L3MBTL1: variants seen among roughly 807,000 people sequenced by gnomAD.
L3MBTL1 encodes lethal(3)malignant brain tumor-like protein 1.
L3MBTL1 carries 75 observed loss-of-function variants against 105.3 expected under a neutral mutation model. The ratio of observed to expected loss-of-function variants is 0.71; its 90% CI spans 0.59 to 0.86. L3MBTL1 has a LOEUF of 0.86. Ranked by LOEUF, L3MBTL1 falls within the 40% of genes least tolerant of loss-of-function variation. L3MBTL1 has a pLI of 0.00. For synonymous variants in L3MBTL1, 452 were observed against 436.2 expected (o/e 1.04, Z -0.45); for missense variants, 1,069 against 1,126.4 (o/e 0.95, Z 0.73).
At chr20:43,528,588 A>G in intron 7 of L3MBTL1, 69 bp from the exon 8 acceptor site, 1 of 1,160,348 alleles carries the variant, frequency 8.6e-7, no homozygotes, top group Non-Finnish European at 1.3e-6. Context: ...GAGCTTGGTC[A>G]GGGGAAGCCG....
chr20:43,536,158 C>T lies in L3MBTL1; in HGVS notation c.1987C>T (p.His663Tyr). 6.2e-7 allele frequency: 1 copy of T among 1,613,816 alleles called. No individual in the cohort carries two copies. The highest frequency in any genetic ancestry group is 8.5e-7 in the Non-Finnish European group (1 of 1,180,034). The part of the protein sequence containing the change: ...GHVTGKFTAH[H>Y]CLSGCPLAER... Reference sequence around the variant, plus strand: ...TGTCACAGGCAAGTTCACAGCTCACCATTGCCTCTCAGGCTGCCCACTGGC... The same window carrying T: ...TGTCACAGGCAAGTTCACAGCTCACTATTGCCTCTCAGGCTGCCCACTGGC... The change falls in exon 18 of 22, where the codon CAT becomes TAT. Residue 663 changes from histidine to tyrosine, a missense_variant. Physicochemically the swap from His to Tyr is moderately conservative, Grantham distance 83. Transcript: ENST00000418998.
At position 43,529,226 on chromosome 20, in the gene L3MBTL1, G is replaced by C. The variant is rs754046130; in HGVS notation, c.952-38G>C. On this transcript the variant is annotated intron_variant, in intron 8 of 21. Coordinates refer to ENST00000418998, the MANE Select transcript of L3MBTL1 (RefSeq NM_001377303.1). ...AGCCCACTAGGCAAGGATAAGGCTGGATGGAAGCTGGGTCCTCTCCACTCT... is the reference window on the plus strand; with the variant it reads ...AGCCCACTAGGCAAGGATAAGGCTGCATGGAAGCTGGGTCCTCTCCACTCT... The C allele has an allele frequency of 2.0e-6, 3 of 1,512,770 alleles. No homozygotes were observed. In the Admixed American group the frequency reaches 5.4e-5, roughly 27 times the overall value. The allele number at this position is 1,512,770 out of a possible 1,614,324, so 93.7% of individuals were successfully genotyped here.
rs1027444055 is a variant in L3MBTL1 at position 43,540,151 on chromosome 20, C to A, written c.2174C>A (p.Thr725Asn). ...GCCAGCCTCTGCCTCTGCTTTCCAGCCCTCACGCCCGATGTCGTGCACCAG... is the reference window on the plus strand; with the variant it reads ...GCCAGCCTCTGCCTCTGCTTTCCAGACCTCACGCCCGATGTCGTGCACCAG... ...YRKIPQEDFQ[T>N]LTPDVVHQSL... The change falls in exon 20 of 22, where the codon ACC (threonine) becomes AAC (asparagine). Residue 725 changes from threonine to asparagine, a missense_variant and splice_region_variant. Coordinates refer to ENST00000418998, the MANE Select transcript of L3MBTL1 (RefSeq NM_001377303.1). 6.2e-7 allele frequency: 1 copy of A among 1,611,350 alleles called. No homozygotes were observed. The highest frequency in any genetic ancestry group is 1.7e-5 in the Admixed American group (1 of 60,024).
intron 20 of L3MBTL1, 92 bp from the exon 21 acceptor site, chr20:43,540,661 C>A: frequency 8.1e-7 from 1 of 1,232,184 alleles, no homozygotes; most frequent in Non-Finnish European, 1.2e-6. Context: ...GCAGCATTGG[C>A]ACAGCTCAGA....
chr20:43,544,164 G>A (rs1032287192), downstream of L3MBTL1, among the ~76,000 whole-genome samples: 5 of 152,204 alleles, frequency 3.3e-5, no homozygotes, highest in African/African-American at 1.2e-4. Context: ...CTTCCCAAAT[G>A]TCTGATTTTC....
In L3MBTL1 at chr20:43,533,374, T is replaced by C; in HGVS notation, c.1469T>C (p.Val490Ala). 1 of 1,613,948 alleles carries C rather than the reference T, an allele frequency of 6.2e-7. No homozygotes were observed. The change falls in exon 13 of 22, where the codon GTG (valine) becomes GCG (alanine). Residue 490 changes from valine (V) to alanine (A), a missense_variant. Transcript: ENST00000418998. The part of the protein sequence containing the change: ...CDPSSPYIHP[V>A]GWCQKQGKPL... ...CCCAGCAGCCCCTACATCCACCCAGTGGGCTGGTGCCAGAAGCAAGGAAAG... is the reference window on the plus strand; with the variant it reads ...CCCAGCAGCCCCTACATCCACCCAGCGGGCTGGTGCCAGAAGCAAGGAAAG...
At chr20:43,513,020 T>G (rs1383627228) in intron 1 of L3MBTL1, among the ~76,000 whole-genome samples, 1 of 151,982 alleles carries the variant, frequency 6.6e-6, no homozygotes, top group Non-Finnish European at 1.5e-5. Flanking sequence ...CCTGTATGGG[T>G]GAAGGAAAAC....
exon 19 of L3MBTL1, chr20:43,549,916 G>C (rs2269622): frequency 0.53 from 81,045 of 152,048 alleles, 22,357 homozygotes; most frequent in African/African-American, 0.69. Flanking sequence ...GCCTCTCTCT[G>C]CCATGGGCTG....
Position 43,522,668 on chromosome 20 carries a change from C to T in L3MBTL1, c.863-5989C>T, listed in dbSNP as rs558379030. On this transcript the variant is annotated intron_variant, in intron 7 of 21. Transcript: ENST00000418998. The stretch of plus-strand genomic sequence containing the variant: ...TTGTATTTTTGTAGAGACAGGGTTC[C>T]GCCATGTTGCCCAGGCTAGTCTCAA... 3.3e-4 allele frequency among the ~76,000 whole-genome samples: 50 copies of T among 150,920 alleles called. No individual in the cohort carries two copies. The Middle Eastern group carries it at 0.014, about 41-fold the overall frequency.
At chr20:43,511,413 GAGAA>G (rs959591474) in intron 1 of L3MBTL1, among the ~76,000 whole-genome samples, 2 of 152,290 alleles carry the variant, frequency 1.3e-5, no homozygotes, top group African/African-American at 4.8e-5. Flanking sequence ...AATGAAGGAT[GAGAA>G]AGAAAGAAAT....
At chr20:43,536,331 G>A (rs780012257) in intron 18 of L3MBTL1, 37 bp downstream of exon 18, 6 of 1,612,064 alleles carry the variant, frequency 3.7e-6, no homozygotes, top group Non-Finnish European at 4.2e-6. Flanking sequence ...GGGCTTCCTG[G>A]GGGTGTGGGG....
intron 20 of L3MBTL1, 64 bp from the exon 21 acceptor site, chr20:43,540,689 G>A (rs1282773400): frequency 8.6e-6 from 13 of 1,507,096 alleles, no homozygotes; most frequent in African/African-American, 6.9e-5. Flanking sequence ...AGGCTGTGGA[G>A]GCCAGCTCTC....
Position 43,513,503 on chromosome 20 carries a change from G to A in L3MBTL1, c.-1G>A. On this transcript the variant is annotated 5_prime_UTR_variant, in exon 2 of 22. Coordinates refer to ENST00000418998, the MANE Select transcript of L3MBTL1 (RefSeq NM_001377303.1). ...CTGCCAGGATGGAGGGGCATGCTGG[G>A]ATGGAGGGGCATGCTGAAATGGAGA... is the stretch of plus-strand genomic sequence containing the variant. 2 of 1,550,590 alleles carry A rather than the reference G, an allele frequency of 1.3e-6. No individual in the cohort carries two copies. The highest frequency in any genetic ancestry group is 1.7e-6 in the Non-Finnish European group (2 of 1,146,882).
intron 7 of L3MBTL1, among the ~76,000 whole-genome samples, chr20:43,518,085 C>T (rs1209623673): frequency 6.6e-6 from 1 of 151,508 alleles, no homozygotes; most frequent in Non-Finnish European, 1.5e-5. Flanking sequence ...TTGACCAGTA[C>T]AAATCTTTTG....
chr20:43,507,845 C>T (rs1200835484), intron 1 of L3MBTL1, 101 bp downstream of exon 1: 1 of 152,242 alleles, frequency 6.6e-6, no homozygotes, highest in Non-Finnish European at 1.5e-5. Flanking sequence ...GCGGCCCCGG[C>T]GTCTCGCTCC....
At chr20:43,514,307 C>A in intron 3 of L3MBTL1, 1 of 888,478 alleles carries the variant, frequency 1.1e-6, no homozygotes, top group Non-Finnish European at 1.7e-6. Context: ...TGTCTGGGGG[C>A]GTGGCTTAGA....
At chr20:43,542,569 C>T (rs1355678424), downstream of L3MBTL1, among the ~76,000 whole-genome samples, 11 of 132,720 alleles carry the variant, frequency 8.3e-5, no homozygotes. Flanking sequence ...AATCAAGGTA[C>T]AGACATTTCC....
Position 43,526,206 on chromosome 20 carries a change from G to C in L3MBTL1, c.863-2451G>C, listed in dbSNP as rs557198910. ...AATCTGGCAGGTAGTCAGCCCCTTA[G>C]CTGATGTTACGGTTTGGGAAGAGTG... On this transcript the variant is annotated intron_variant, in intron 7 of 21. Coordinates refer to ENST00000418998, the MANE Select transcript of L3MBTL1 (RefSeq NM_001377303.1). 3.9e-5 allele frequency among the ~76,000 whole-genome samples: 6 copies of C among 152,306 alleles called. No individual in the cohort carries two copies. In the East Asian group the frequency reaches 1.2e-3, roughly 29 times the overall value.
chr20:43,514,485 T>C, intron 3 of L3MBTL1, 150 bp from the exon 4 acceptor site: 1 of 1,528,398 alleles, frequency 6.5e-7, no homozygotes, highest in East Asian at 2.5e-5. Context: ...TTGGCTGGTG[T>C]AGCTTGGAGT....
Sources: gnomAD v4.1 joint callset for allele counts (sites outside exome capture counted in the v4.1 genomes callset) on GRCh38, gnomAD v4.1.1 for gene constraint, MANE v1.5 for transcripts, NCBI Gene and HGNC (gene_info 2026-07-23, HGNC 2026-07-21) for gene names.